The following CNTN3 variants were observed in gnomAD, a reference collection of about 807,000 sequenced individuals.
CNTN3 encodes the protein contactin 3, also known as contactin-3.
A neutral mutation model predicts 119.1 loss-of-function variants in CNTN3; 60 were observed. That is an observed-to-expected ratio of 0.50 (90% CI 0.41 to 0.62). The LOEUF is 0.62. Ranked by LOEUF, CNTN3 falls within the 20% of genes least tolerant of loss-of-function variation. CNTN3 has a pLI of 0.00. For synonymous variants in CNTN3, 450 were observed against 438.7 expected (o/e 1.03, Z -0.32); for missense variants, 1,101 against 1,242.4 (o/e 0.89, Z 1.71).
chr3:74,610,459 C>T (rs529964501), intron 1 of CNTN3, among the ~76,000 whole-genome samples: 3 of 152,036 alleles, frequency 2.0e-5, no homozygotes, highest in African/African-American at 7.2e-5. Context: ...GGAAAGAGCT[C>T]AACACATCTG....
chr3:74,473,321 C>T (rs965068724), intron 4 of CNTN3, among the ~76,000 whole-genome samples: 5 of 152,122 alleles, frequency 3.3e-5, no homozygotes, highest in African/African-American at 1.2e-4. Context: ...AGTATATCTG[C>T]TCTCAACTTC....
chr3:74,446,335 G>T (rs954622237), intron 4 of CNTN3, among the ~76,000 whole-genome samples: 5 of 152,180 alleles, frequency 3.3e-5, no homozygotes, highest in African/African-American at 1.2e-4. Flanking sequence ...AAAAAGAGAT[G>T]CATTTAGATA....
At chr3:74,489,086 GA>G (rs1415407952) in intron 3 of CNTN3, among the ~76,000 whole-genome samples, 1 of 152,026 alleles carries the variant, frequency 6.6e-6, no homozygotes, top group Non-Finnish European at 1.5e-5. Context: ...GTAAAATAAA[GA>G]AAAAGTATCC....
chr3:74,536,065 CTG>C (rs1054084887), intron 1 of CNTN3, among the ~76,000 whole-genome samples: 26 of 152,074 alleles, frequency 1.7e-4, no homozygotes, highest in African/African-American at 6.0e-4. Context: ...AAGTGGGACA[CTG>C]AGAGACAGGA....
At chr3:74,511,819 A>G (rs1703369574) in intron 2 of CNTN3, among the ~76,000 whole-genome samples, 1 of 152,176 alleles carries the variant, frequency 6.6e-6, no homozygotes. Context: ...GGCAGAGTTG[A>G]GTAGTTATGA....
intron 15 of CNTN3, 28 bp downstream of exon 15, chr3:74,301,619 C>A (rs1321932704): frequency 1.9e-6 from 3 of 1,613,138 alleles, no homozygotes; most frequent in Admixed American, 3.3e-5. Flanking sequence ...TATATGTGTG[C>A]AGATGACATC....
At chr3:74,447,114 C>G (rs1049858041) in intron 4 of CNTN3, among the ~76,000 whole-genome samples, 7 of 152,034 alleles carry the variant, frequency 4.6e-5, no homozygotes, top group African/African-American at 1.7e-4. Context: ...TATAAAGAAG[C>G]CAAAAAGAAT....
At chr3:74,526,746 G>A (rs1703625180) in intron 1 of CNTN3, among the ~76,000 whole-genome samples, 1 of 151,756 alleles carries the variant, frequency 6.6e-6, no homozygotes, top group South Asian at 2.1e-4. Flanking sequence ...GGACAAACAG[G>A]GTGAATGCCG....
chr3:74,435,784 C>G (rs1020712308), intron 4 of CNTN3, among the ~76,000 whole-genome samples: 4 of 152,276 alleles, frequency 2.6e-5, no homozygotes, highest in Admixed American at 1.3e-4. Flanking sequence ...GATGCAATAA[C>G]TGATAAAGCT....
At chr3:74,419,811 G>A (rs1559592746) in intron 5 of CNTN3, among the ~76,000 whole-genome samples, 1 of 152,082 alleles carries the variant, frequency 6.6e-6, no homozygotes. Flanking sequence ...ATGAATTCCT[G>A]AGTAATTAGT....
chr3:74,372,076 G>A (rs1271308892), intron 5 of CNTN3, among the ~76,000 whole-genome samples: 1 of 152,112 alleles, frequency 6.6e-6, no homozygotes, highest in African/African-American at 2.4e-5. Flanking sequence ...CTGGGTTGAT[G>A]CTCCTATACA....
At chr3:74,464,365 ACCC>A (rs1575752152) in intron 4 of CNTN3, among the ~76,000 whole-genome samples, 1 of 152,210 alleles carries the variant, frequency 6.6e-6, no homozygotes, top group East Asian at 1.9e-4. Flanking sequence ...TGGTTATAGA[ACCC>A]AAGCTAATAT....
intron 1 of CNTN3, among the ~76,000 whole-genome samples, chr3:74,589,808 G>A (rs1704667619): frequency 6.6e-6 from 1 of 151,538 alleles, no homozygotes; most frequent in South Asian, 2.1e-4. Context: ...TCCTTTGTAG[G>A]GACATGGATG....
chr3:74,322,840 A>G (rs1703029134), intron 13 of CNTN3, among the ~76,000 whole-genome samples: 1 of 152,210 alleles, frequency 6.6e-6, no homozygotes, highest in Admixed American at 6.5e-5. Flanking sequence ...CAAGCCATGA[A>G]AAGACATGGA....
At chr3:74,266,882 A>G (rs1303246214) in intron 21 of CNTN3, among the ~76,000 whole-genome samples, 1 of 152,164 alleles carries the variant, frequency 6.6e-6, no homozygotes, top group East Asian at 1.9e-4. Flanking sequence ...GGAAAAGCCC[A>G]GCTGGGCTGC....
chr3:74,458,661 A>G lies in CNTN3; in HGVS notation c.358+27795T>C, dbSNP rs528966029. 2.0e-5 allele frequency among the ~76,000 whole-genome samples: 3 copies of G among 152,150 alleles called. No homozygotes were observed. In the South Asian group the frequency reaches 6.2e-4, roughly 32 times the overall value. On this transcript the variant is annotated intron_variant, in intron 4 of 22. Coordinates refer to ENST00000263665, the MANE Select transcript of CNTN3 (RefSeq NM_020872.3). ...AATAACAGAACTACAGAGATGGAGA[A>G]GAGATCAGAGGTTATTAAAGGTAAG...
intron 13 of CNTN3, among the ~76,000 whole-genome samples, chr3:74,332,508 C>T (rs10511036): frequency 0.056 from 8,489 of 152,262 alleles, 838 homozygotes; most frequent in African/African-American, 0.19. Context: ...TAGAACCTAT[C>T]AGTGCTATGT....
chr3:74,449,744 A>C (rs935879333), intron 4 of CNTN3, among the ~76,000 whole-genome samples: 1 of 152,148 alleles, frequency 6.6e-6, no homozygotes, highest in South Asian at 2.1e-4. Flanking sequence ...ATTTACCAAA[A>C]GCCACTTGGC....
At chr3:74,466,827 C>T (rs1404768599) in intron 4 of CNTN3, among the ~76,000 whole-genome samples, 1 of 151,924 alleles carries the variant, frequency 6.6e-6, no homozygotes, top group Non-Finnish European at 1.5e-5. Context: ...ATGAATGTAC[C>T]TATTGATTGT....
Sources: allele counts gnomAD v4.1 joint callset (sites outside exome capture counted in the v4.1 genomes callset), GRCh38; gene constraint gnomAD v4.1.1; transcripts MANE v1.5; gene names NCBI Gene and HGNC (gene_info 2026-07-23, HGNC 2026-07-21).